Variants in SYNE2 observed in about 807,000 individuals in gnomAD.
SYNE2 encodes nesprin-2.
A neutral mutation model predicts 856.3 loss-of-function variants in SYNE2; 431 were observed. That is an observed-to-expected ratio of 0.50 (90% CI 0.47 to 0.55). SYNE2 has a LOEUF of 0.55. Ranked by LOEUF, SYNE2 falls within the 20% of genes least tolerant of loss-of-function variation. The pLI is 0.00. For synonymous variants in SYNE2, 2,923 were observed against 2,872.3 expected, an observed-to-expected ratio of 1.02 and a Z score of -0.56; for missense variants, 8,129 against 8,023.2, an observed-to-expected ratio of 1.01 and a Z score of -0.50.
intron 85 of SYNE2, among the ~76,000 whole-genome samples, chr14:64,156,285 A>G (rs1455836980): frequency 6.6e-6 from 1 of 152,158 alleles, no homozygotes; most frequent in African/African-American, 2.4e-5. Flanking sequence ...GCCTTGTGCA[A>G]CATGAGCCAT....
chr14:64,142,131 A>G (rs547340668), intron 82 of SYNE2, 43 bp downstream of exon 82: 2 of 1,610,706 alleles, frequency 1.2e-6, no homozygotes, highest in Admixed American at 1.7e-5. Context: ...TTGAAACAAG[A>G]AGGCTAATCA....
At chr14:64,110,458 C>G (rs1193304479) in intron 65 of SYNE2, among the ~76,000 whole-genome samples, 1 of 152,006 alleles carries the variant, frequency 6.6e-6, no homozygotes, top group East Asian at 1.9e-4. Flanking sequence ...ATTCTGTTTA[C>G]TAGTTGTGTG....
At chr14:63,809,006 AC>A (rs1366746326) in intron 1 of SYNE2, among the ~76,000 whole-genome samples, 6 of 152,120 alleles carry the variant, frequency 3.9e-5, no homozygotes, top group Non-Finnish European at 7.4e-5. Context: ...CTGGGTGACA[AC>A]AGTGAGACTC....
intron 1 of SYNE2, among the ~76,000 whole-genome samples, chr14:63,882,122 G>A (rs2140678223): frequency 6.6e-6 from 1 of 152,266 alleles, no homozygotes; most frequent in South Asian, 2.1e-4. Context: ...GAAGTGGAAA[G>A]TGGAAGCTCA....
At chr14:64,061,541 A>G (rs1371729774) in intron 49 of SYNE2, among the ~76,000 whole-genome samples, 2 of 152,138 alleles carry the variant, frequency 1.3e-5, no homozygotes, top group East Asian at 1.9e-4. Context: ...GTGAGACTCA[A>G]TTTTTGCCAA....
intron 76 of SYNE2, among the ~76,000 whole-genome samples, chr14:64,130,541 T>C (rs1227581880): frequency 6.6e-6 from 1 of 152,172 alleles, no homozygotes; most frequent in Non-Finnish European, 1.5e-5. Flanking sequence ...AAAATGAGGA[T>C]ACATTCTATG....
intron 75 of SYNE2, 34 bp from the exon 76 acceptor site, chr14:64,130,014 A>C (rs547602871): frequency 1.9e-6 from 3 of 1,613,350 alleles, no homozygotes; most frequent in South Asian, 1.1e-5. Flanking sequence ...GGTTGGATGA[A>C]AATGCATGTG....
At chr14:64,011,485 T>C (rs187345899) in intron 32 of SYNE2, among the ~76,000 whole-genome samples, 6 of 152,318 alleles carry the variant, frequency 3.9e-5, no homozygotes, top group Admixed American at 2.6e-4. Context: ...CTCGGGCTTG[T>C]GTCCCAGTTC....
intron 1 of SYNE2, among the ~76,000 whole-genome samples, chr14:63,888,433 C>T (rs1308675784): frequency 6.6e-6 from 1 of 152,184 alleles, no homozygotes; most frequent in South Asian, 2.1e-4. Flanking sequence ...ATATTCTAGC[C>T]TGGATGAGCC....
chr14:64,167,135 G>A, intron 90 of SYNE2, 98 bp from the exon 91 acceptor site: 1 of 1,506,796 alleles, frequency 6.6e-7, no homozygotes, highest in Non-Finnish European at 9.1e-7. Flanking sequence ...GCCTGTTCAG[G>A]CCCCAGTTTT....
In SYNE2 at chr14:64,200,580, T is replaced by A. The variant is rs570865422; in HGVS notation, c.18039-2221T>A. ...ATAGGAATGAAGGCAGGATCTAGGT[T>A]ACAGCTGTATCCAGGCCTGGTCCTG... On this transcript the variant is annotated intron_variant, in intron 99 of 115. Transcript: ENST00000555002. Among the ~76,000 whole-genome samples the A allele has an allele frequency of 9.8e-4, 149 of 152,230 alleles. 1 individual carries two copies. Among genetic ancestry groups the A allele is most frequent in the Non-Finnish European group, 1.0e-3 (71 of 68,046 alleles).
intron 1 of SYNE2, among the ~76,000 whole-genome samples, chr14:63,785,556 A>T (rs193103482): frequency 8.9e-4 from 136 of 152,328 alleles, no homozygotes; most frequent in African/African-American, 3.2e-3. Flanking sequence ...AAACCTGTTC[A>T]TGAAGTAATT....
rs376879878 is a variant in SYNE2 at position 64,168,991 on chromosome 14, T to C, written c.17000+20T>C. 222 of 1,591,174 alleles carry C rather than the reference T, an allele frequency of 1.4e-4. No individual in the cohort carries two copies. Among genetic ancestry groups the C allele is most frequent in the Non-Finnish European group, 1.8e-4 (213 of 1,159,230 alleles). The stretch of plus-strand genomic sequence containing the variant: ...GAACAGGTGAGCTGTCTGGGCCTCA[T>C]GAAGGTTGTGGGCGGATGGAAGGTA... On this transcript the variant is annotated intron_variant, in intron 93 of 115. Coordinates refer to ENST00000555002, the MANE Select transcript of SYNE2 (RefSeq NM_182914.3).
chr14:63,827,102 A>T (rs1171707927), intron 1 of SYNE2, among the ~76,000 whole-genome samples: 1 of 151,114 alleles, frequency 6.6e-6, no homozygotes, highest in African/African-American at 2.4e-5. Context: ...ACATGGTGAA[A>T]CCCTATCTTT....
intron 83 of SYNE2, 137 bp downstream of exon 83, chr14:64,144,085 C>T: frequency 5.7e-6 from 6 of 1,053,900 alleles, no homozygotes; most frequent in East Asian, 2.4e-5. Context: ...TTTTATAAAT[C>T]CTATGTTTTA....
At chr14:64,095,379 A>G (rs1015736396) in intron 61 of SYNE2, among the ~76,000 whole-genome samples, 3 of 152,224 alleles carry the variant, frequency 2.0e-5, no homozygotes, top group Admixed American at 2.0e-4. Context: ...ATTAAAATTT[A>G]CTGGCCTACT....
intron 89 of SYNE2, 59 bp downstream of exon 89, chr14:64,163,640 C>T (rs1198428864): frequency 3.1e-6 from 5 of 1,595,148 alleles, no homozygotes; most frequent in Non-Finnish European, 2.6e-6. Context: ...CATCCTCAAT[C>T]CCTTGTATCC....
At chr14:64,156,224 G>C (rs1304660461) in intron 85 of SYNE2, among the ~76,000 whole-genome samples, 1 of 152,080 alleles carries the variant, frequency 6.6e-6, no homozygotes, top group Non-Finnish European at 1.5e-5. Flanking sequence ...AGGCCAGAAG[G>C]CCTTTAAGGT....
In SYNE2 at chr14:64,129,736, C is replaced by T. The variant is rs747680521; in HGVS notation, c.14020-46C>T. On this transcript the variant is annotated intron_variant, in intron 74 of 115. Coordinates refer to ENST00000555002, the MANE Select transcript of SYNE2 (RefSeq NM_182914.3). ...TTTTTAGATAACTATGTGTACTTCT[C>T]TGACTTACTGAAGGGTTTTCTTTTC... 2.5e-6 allele frequency: 4 copies of T among 1,612,600 alleles called. No homozygotes were observed. In the South Asian group the frequency reaches 4.4e-5, roughly 18 times the overall value.
Sources: allele counts gnomAD v4.1 joint callset (sites outside exome capture counted in the v4.1 genomes callset), GRCh38; gene constraint gnomAD v4.1.1; transcripts MANE v1.5; gene names NCBI Gene and HGNC (gene_info 2026-07-23, HGNC 2026-07-21).